RPA3: variants seen among roughly 807,000 people sequenced by gnomAD.
RPA3 encodes the protein replication protein A3.
RPA3 carries 24 observed loss-of-function variants against 13.7 expected under a neutral mutation model. That is an observed-to-expected ratio of 1.75 (90% confidence interval 1.27 to 2.46). RPA3 has a LOEUF of 2.46. Ranked by LOEUF, RPA3 falls within the 30% of genes most tolerant of loss-of-function variation. RPA3 has a pLI of 0.00. For missense variants in RPA3, 183 were observed against 151.0 expected, an observed-to-expected ratio of 1.21 and a Z score of -1.11; for synonymous variants, 59 against 51.2, an observed-to-expected ratio of 1.15 and a Z score of -0.65.
At chr7:7,648,225 C>G (rs901911992) in intron 4 of RPA3, among the ~76,000 whole-genome samples, 1 of 152,134 alleles carries the variant, frequency 6.6e-6, no homozygotes, top group Non-Finnish European at 1.5e-5. Context: ...GGGATGGATT[C>G]CTTTCTAAGA....
chr7:7,706,721 T>C (rs1307715121), intron 2 of RPA3, among the ~76,000 whole-genome samples: 1 of 152,214 alleles, frequency 6.6e-6, no homozygotes, highest in Non-Finnish European at 1.5e-5. Flanking sequence ...TGAGGTTGAC[T>C]AACTTGCGTA....
At chr7:7,642,878 T>G (rs1341275426) in intron 4 of RPA3, among the ~76,000 whole-genome samples, 2 of 152,236 alleles carry the variant, frequency 1.3e-5, no homozygotes, top group Non-Finnish European at 2.9e-5. Context: ...TTATCACACA[T>G]GCAGGCGTTG....
intron 4 of RPA3, chr7:7,676,310 T>C (rs1779737685): frequency 2.5e-6 from 1 of 394,434 alleles, no homozygotes; most frequent in Admixed American, 4.4e-5. Context: ...AGTTAATGTG[T>C]GTAAAATGTT....
chr7:7,688,712 T>A (rs1780097608), intron 2 of RPA3, among the ~76,000 whole-genome samples: 1 of 152,334 alleles, frequency 6.6e-6, no homozygotes, highest in South Asian at 2.1e-4. Flanking sequence ...ACGCCTTTAT[T>A]TTTGTATGTC....
intron 1 of RPA3, among the ~76,000 whole-genome samples, chr7:7,717,575 AT>A (rs1383945085): frequency 6.6e-6 from 1 of 152,160 alleles, no homozygotes; most frequent in South Asian, 2.1e-4. Flanking sequence ...ACTTTAACTG[AT>A]TTTTTTATTA....
rs1483508507 is a variant in RPA3, at chr7:7,655,668, AT to A, written c.-757-14494del. 5.9e-5 allele frequency among the ~76,000 whole-genome samples: 9 copies of A among 152,332 alleles called. No individual in the cohort carries two copies. The East Asian group carries it at 1.3e-3, about 23-fold the overall frequency. ...TTAACTCATATAACTTCCCTTTTTA[AT>A]GGATGCTATATATGTGTATGATGTG... On this transcript the variant is annotated intron_variant, in intron 4 of 7. Coordinates refer to ENST00000223129, the MANE Select transcript of RPA3 (RefSeq NM_002947.5).
intron 2 of RPA3, among the ~76,000 whole-genome samples, chr7:7,693,924 AAAG>A (rs1297046704): frequency 1.3e-5 from 2 of 152,160 alleles, no homozygotes; most frequent in Non-Finnish European, 2.9e-5. Context: ...CAATTATTAA[AAAG>A]AAGAGCTTTC....
At chr7:7,653,457 G>C (rs1168153218) in intron 4 of RPA3, among the ~76,000 whole-genome samples, 1 of 152,106 alleles carries the variant, frequency 6.6e-6, no homozygotes, top group African/African-American at 2.4e-5. Context: ...ATGCTAGTTA[G>C]CATCCTTCTT....
chr7:7,712,590 T>G (rs186159450), intron 2 of RPA3, among the ~76,000 whole-genome samples: 1 of 152,356 alleles, frequency 6.6e-6, no homozygotes. Context: ...TTAGATTCTT[T>G]TGAATTTTCT....
rs776102769 is a variant in RPA3, at chr7:7,673,368, A to AGCAGCAGCAGCAGCAGCAGCG, written c.-758+12461_-758+12462insCGCTGCTGCTGCTGCTGCTGC. The stretch of plus-strand genomic sequence containing the variant: ...CAGCAGCAGCAGCAGCAGCAGCAGC[A>AGCAGCAGCAGCAGCAGCAGCG]GCAATGTTTCACTTCTTCAGAAAGC... On this transcript the variant is annotated intron_variant, in intron 4 of 7. Transcript: ENST00000223129. 4 of 1,125,840 alleles carry AGCAGCAGCAGCAGCAGCAGCG rather than the reference A, an allele frequency of 3.6e-6. No individual in the cohort carries two copies. The African/African-American group carries it at 4.8e-5, about 13-fold the overall frequency. The allele number at this position is 1,125,840 out of a possible 1,614,324, so 69.7% of individuals were successfully genotyped here. A position where few individuals can be genotyped will look rare whatever the true frequency, so the allele number is the denominator to read the frequency against.
At chr7:7,707,062 T>C (rs991412042) in intron 2 of RPA3, among the ~76,000 whole-genome samples, 5 of 152,184 alleles carry the variant, frequency 3.3e-5, no homozygotes, top group African/African-American at 4.8e-5. Context: ...TTAATTAGCA[T>C]TGAGGAGTTG....
chr7:7,683,034 C>T (rs1779951344), intron 4 of RPA3, among the ~76,000 whole-genome samples: 1 of 152,204 alleles, frequency 6.6e-6, no homozygotes, highest in African/African-American at 2.4e-5. Flanking sequence ...TGGGGTACAC[C>T]ACCCTTCCTT....
chr7:7,705,355 T>C (rs1490121250), intron 2 of RPA3, among the ~76,000 whole-genome samples: 1 of 152,186 alleles, frequency 6.6e-6, no homozygotes, highest in Non-Finnish European at 1.5e-5. Context: ...ACCTACATTA[T>C]TAGAGTGCTT....
At chr7:7,714,581 G>A (rs978285013) in intron 2 of RPA3, among the ~76,000 whole-genome samples, 1 of 152,196 alleles carries the variant, frequency 6.6e-6, no homozygotes, top group Non-Finnish European at 1.5e-5. Context: ...ATCAGTGGTA[G>A]ATTGATTTGT....
At chr7:7,645,750 G>A (rs1785079451) in intron 4 of RPA3, among the ~76,000 whole-genome samples, 2 of 151,746 alleles carry the variant, frequency 1.3e-5, no homozygotes, top group African/African-American at 4.8e-5. Flanking sequence ...ATTCTTGGAA[G>A]CTTGGTTATG....
intron 4 of RPA3, among the ~76,000 whole-genome samples, chr7:7,655,286 C>T (rs1227365785): frequency 1.1e-4 from 16 of 151,974 alleles, no homozygotes; most frequent in Admixed American, 9.8e-4. Context: ...TCCTGTATTG[C>T]GTTTAAGGAT....
chr7:7,638,967 C>T, intron 6 of RPA3, 103 bp downstream of exon 6: 1 of 823,752 alleles, frequency 1.2e-6, no homozygotes, highest in African/African-American at 1.8e-5. Context: ...ACCAGCTCAT[C>T]CTTTTTAAAT....
At chr7:7,676,103 A>G (rs1779730996) in intron 4 of RPA3, 1 of 398,540 alleles carries the variant, frequency 2.5e-6, no homozygotes, top group Non-Finnish European at 4.4e-6. Flanking sequence ...CTTCCGCAGA[A>G]GCATCTCAGA....
intron 4 of RPA3, among the ~76,000 whole-genome samples, chr7:7,667,100 C>T (rs184492756): frequency 7.5e-4 from 114 of 152,308 alleles, no homozygotes; most frequent in Middle Eastern, 3.4e-3. Context: ...TCAGCCACTG[C>T]GCCCGGCTGA....
Sources: allele counts gnomAD v4.1 joint callset (sites outside exome capture counted in the v4.1 genomes callset), GRCh38; gene constraint gnomAD v4.1.1; transcripts MANE v1.5; gene names NCBI Gene and HGNC (gene_info 2026-07-23, HGNC 2026-07-21).